Variants in IL4I1 observed in about 807,000 individuals in gnomAD.
The protein encoded by IL4I1 is interleukin 4 induced 1.
A neutral mutation model predicts 29.7 loss-of-function variants in IL4I1; 24 were observed. The observed-to-expected ratio is 0.81, with a 90% CI of 0.59 to 1.14. The LOEUF is 1.14. IL4I1 is among the 50% of genes most tolerant of loss of function. The pLI is 0.00. For synonymous variants in IL4I1, 371 were observed against 352.5 expected, an observed-to-expected ratio of 1.05 and a Z score of -0.59; for missense variants, 686 against 785.6, an observed-to-expected ratio of 0.87 and a Z score of 1.52.
intron 3 of IL4I1, 117 bp downstream of exon 3, chr19:49,895,698 T>TGCCCCCCCCAC: frequency 4.3e-6 from 3 of 705,418 alleles, no homozygotes; most frequent in Non-Finnish European, 2.4e-6. Flanking sequence ...AGATAGCCTC[T>TGCCCCCCCCAC]CCCCCCACAT....
At chr19:49,895,698 T>G in intron 3 of IL4I1, 117 bp downstream of exon 3, 3 of 705,416 alleles carry the variant, frequency 4.3e-6, no homozygotes, top group Non-Finnish European at 2.4e-6. Flanking sequence ...AGATAGCCTC[T>G]CCCCCCACAT....
At chr19:49,919,774 G>C (rs2075719322) in intron 2 of IL4I1, among the ~76,000 whole-genome samples, 8 of 147,528 alleles carry the variant, frequency 5.4e-5, no homozygotes, top group Admixed American at 4.8e-4. Flanking sequence ...AGATTTTAAG[G>C]AAGATTCTAG....
upstream of IL4I1, among the ~76,000 whole-genome samples, chr19:49,897,778 G>C (rs946838490): frequency 1.3e-5 from 2 of 152,116 alleles, no homozygotes; most frequent in African/African-American, 4.8e-5. Context: ...GGAGCCAGGG[G>C]CTCCGTGAGG....
intron 2 of IL4I1, chr19:49,918,549 AC>A: frequency 6.6e-6 from 1 of 152,270 alleles, no homozygotes; most frequent in East Asian, 1.9e-4. Flanking sequence ...TCCTTAGGTC[AC>A]CTGGCATTCT....
chr19:49,915,421 G>C (rs1379145635), intron 2 of IL4I1, among the ~76,000 whole-genome samples: 1 of 152,212 alleles, frequency 6.6e-6, no homozygotes, highest in Non-Finnish European at 1.5e-5. Flanking sequence ...AAGGAACACA[G>C]GCGGCTTCGG....
At position 49,914,896 on chromosome 19, in the gene IL4I1, T is replaced by C. The variant is rs554029580; in HGVS notation, c.-227-10575A>G. 1.3e-3 allele frequency among the ~76,000 whole-genome samples: 202 copies of C among 151,772 alleles called. 1 individual carries two copies. The highest frequency in any genetic ancestry group is 4.6e-3 in the African/African-American group (192 of 41,396). ...CTGGGATTACAGGCGTGCACCACCA[T>C]GCCCAGCTAATTTTTGTATTTTTAG... On this transcript the variant is annotated intron_variant, in intron 2 of 9. Transcript: ENST00000341114.
intron 2 of IL4I1, chr19:49,907,241 C>A (rs180934958): frequency 3.4e-6 from 1 of 292,410 alleles, no homozygotes; most frequent in Non-Finnish European, 6.6e-6. Context: ...CAGGGTGCTA[C>A]GGGGACCTGC....
Position 49,896,738 on chromosome 19 carries a change from T to C in IL4I1, c.-23+97A>G, listed in dbSNP as rs965545877. On this transcript the variant is annotated intron_variant, in intron 1 of 7. Transcript: ENST00000391826. ...CATGAGCCCCCGCGCCCGGCCTCTT[T>C]TCCCTCTTCCTCATCTCCCCAGCTC... 3 of 810,864 alleles carry C rather than the reference T, an allele frequency of 3.7e-6. No homozygotes were observed. The African/African-American group carries it at 5.6e-5, about 15-fold the overall frequency. 50.2% of individuals were successfully genotyped at this position (810,864 alleles called of 1,614,324 possible).
chr19:49,901,538 T>TC, upstream of IL4I1: 1 of 690,026 alleles, frequency 1.4e-6, no homozygotes, highest in Non-Finnish European at 2.2e-6. Context: ...AATTAGTGAG[T>TC]CCCCCAATCT....
At chr19:49,903,082 G>A (rs375004264) in intron 3 of IL4I1, among the ~76,000 whole-genome samples, 70 of 151,892 alleles carry the variant, frequency 4.6e-4, no homozygotes, top group Admixed American at 1.2e-3. Context: ...ACCACTGCAC[G>A]CCAGCCTGAG....
Position 49,921,488 on chromosome 19 carries a change from C to A in IL4I1, c.-228+6206G>T, listed in dbSNP as rs2122728448. On this transcript the variant is annotated intron_variant, in intron 2 of 9. Coordinates refer to the IL4I1 transcript ENST00000341114. The surrounding 1 kb of genome is among the most constrained non-coding windows in gnomAD (Gnocchi z 5.4). The stretch of plus-strand genomic sequence containing the variant: ...AATCCAATTCAGGATGATCCGCCCG[C>A]CCCAGCTGCAGACGATGGCCTGAGA... Among the ~76,000 whole-genome samples, 3 of 152,344 alleles carry A rather than the reference C, an allele frequency of 2.0e-5. No homozygotes were observed. Among genetic ancestry groups the A allele is most frequent in the East Asian group, 3.9e-4 (2 of 5,184 alleles).
At chr19:49,919,101 C>A (rs868534273) in intron 2 of IL4I1, among the ~76,000 whole-genome samples, 1 of 151,800 alleles carries the variant, frequency 6.6e-6, no homozygotes, top group Non-Finnish European at 1.5e-5. Context: ...TGCAGTGAGC[C>A]GAGATCACAC....
At chr19:49,909,860 G>T in intron 2 of IL4I1, 1 of 1,573,210 alleles carries the variant, frequency 6.4e-7, no homozygotes, top group Non-Finnish European at 8.7e-7. Flanking sequence ...CAAATCCGTC[G>T]GTGTCTGCAG....
chr19:49,904,940 A>G (rs1020738450), intron 2 of IL4I1, among the ~76,000 whole-genome samples: 18 of 152,066 alleles, frequency 1.2e-4, no homozygotes, highest in South Asian at 8.3e-4. Flanking sequence ...TCGATCTCCT[A>G]ACCTCGTGAT....
chr19:49,907,779 G>A (rs1425327921), intron 2 of IL4I1: 30 of 330,546 alleles, frequency 9.1e-5, no homozygotes, highest in Non-Finnish European at 1.6e-4. Flanking sequence ...CAAGTCATCT[G>A]CCCGCCTTGG....
chr19:49,894,544 A>C, intron 4 of IL4I1, 75 bp from the exon 5 acceptor site: 3 of 358,502 alleles, frequency 8.4e-6, no homozygotes, highest in Non-Finnish European at 1.5e-5. Flanking sequence ...CTTGGAGAAG[A>C]GGGGTGGGAG....
rs1491405926 is a variant in IL4I1, at chr19:49,890,460, GGA to G, written c.912_913del (p.Pro306GlyfsTer64). On this transcript the variant is annotated frameshift_variant, in exon 8 of 8. Coordinates refer to ENST00000391826, the MANE Select transcript of IL4I1 (RefSeq NM_152899.2). LOFTEE classifies it low-confidence loss of function (END_TRUNC). ...CAGCACCTTCAGATTCCGCGCCGGG[GGA>G]GAGGTCTCGATCTGCACGTGCACAT... The G allele has an allele frequency of 2.5e-6, 4 of 1,611,914 alleles. No homozygotes were observed. In the African/African-American group the frequency reaches 5.3e-5, roughly 22 times the overall value.
intron 2 of IL4I1, among the ~76,000 whole-genome samples, chr19:49,913,431 G>A (rs1468906026): frequency 6.6e-6 from 1 of 152,194 alleles, no homozygotes; most frequent in African/African-American, 2.4e-5. Flanking sequence ...CCTAGAGTGG[G>A]GGCTTTGGGT....
chr19:49,909,704 G>A (rs769926725), intron 2 of IL4I1: 2 of 1,614,186 alleles, frequency 1.2e-6, no homozygotes, highest in East Asian at 2.2e-5. Flanking sequence ...GCCAGAGGTG[G>A]AGAAAGAAAA....
Sources: allele counts gnomAD v4.1 joint callset (sites outside exome capture counted in the v4.1 genomes callset), GRCh38; gene constraint gnomAD v4.1.1; non-coding constraint Gnocchi (gnomAD v3.1); transcripts MANE v1.5; gene names NCBI Gene and HGNC (gene_info 2026-07-23, HGNC 2026-07-21).